The following NCMAP variants were observed in gnomAD, a reference collection of about 807,000 sequenced individuals.
NCMAP encodes non-compact myelin associated protein.
In NCMAP, 8 loss-of-function variants were observed where a neutral mutation model predicts 7.8. The ratio of observed to expected loss-of-function variants is 1.02; its 90% CI spans 0.60 to 1.84. The LOEUF (loss-of-function observed/expected upper bound fraction) is 1.84, where lower values mean the gene tolerates loss of function less well. NCMAP is among the 40% of genes most tolerant of loss of function. The pLI, the probability that NCMAP is intolerant of heterozygous loss-of-function variation, is 0.00. For missense variants in NCMAP, 112 were observed against 131.4 expected, an observed-to-expected ratio of 0.85 and a Z score of 0.72; for synonymous variants, 41 against 52.9, an observed-to-expected ratio of 0.78 and a Z score of 0.98.
At chr1:24,583,784 CAG>C (rs1038799409) in intron 1 of NCMAP, among the ~76,000 whole-genome samples, 9 of 151,182 alleles carry the variant, frequency 6.0e-5, no homozygotes, top group Non-Finnish European at 1.3e-4. Context: ...CACTGACCAT[CAG>C]AGTGTCCCCA....
At chr1:24,594,353 A>T (rs1570535183) in intron 1 of NCMAP, among the ~76,000 whole-genome samples, 1 of 152,086 alleles carries the variant, frequency 6.6e-6, no homozygotes, top group East Asian at 1.9e-4. Flanking sequence ...GCCTCAGGGT[A>T]AAAAAATACA....
At chr1:24,565,994 C>G (rs1051573280) in intron 1 of NCMAP, among the ~76,000 whole-genome samples, 1 of 152,102 alleles carries the variant, frequency 6.6e-6, no homozygotes, top group African/African-American at 2.4e-5. Context: ...GGCTCTTCCC[C>G]TTTCGCTTGG....
intron 2 of NCMAP, among the ~76,000 whole-genome samples, chr1:24,596,044 G>A (rs565223153): frequency 2.2e-4 from 33 of 152,242 alleles, no homozygotes; most frequent in Middle Eastern, 3.4e-3. Flanking sequence ...CACTTTGGGA[G>A]GCTGAGGCAT....
chr1:24,577,404 T>TTTTTTTTTTTTTTTTTTTTTTTTTG (rs1651608306), intron 1 of NCMAP, among the ~76,000 whole-genome samples: 2 of 93,064 alleles, frequency 2.1e-5, no homozygotes, highest in African/African-American at 7.9e-5. Context: ...TGGCCTTGTT[T>TTTTTTTTTTTTTTTTTTTTTTTTTG]TTTTTTTTTT....
chr1:24,597,639 G>GAAAGAAAGAAAA (rs1652291841), intron 2 of NCMAP, among the ~76,000 whole-genome samples: 1 of 117,646 alleles, frequency 8.5e-6, no homozygotes, highest in Non-Finnish European at 1.7e-5. Context: ...AAGAAAGAAA[G>GAAAGAAAGAAAA]AAAGAAAGAA....
intron 1 of NCMAP, among the ~76,000 whole-genome samples, chr1:24,585,843 T>G (rs1651866557): frequency 6.6e-6 from 1 of 152,214 alleles, no homozygotes; most frequent in Non-Finnish European, 1.5e-5. Context: ...TCAGAGGTCC[T>G]GGTGAATCCC....
chr1:24,603,434 A>G (rs59623432), intron 3 of NCMAP, among the ~76,000 whole-genome samples: 8,226 of 152,206 alleles, frequency 0.054, 759 homozygotes, highest in African/African-American at 0.19. Context: ...TCAAACCCCA[A>G]TGTCTACTCT....
chr1:24,569,922 C>T (rs182228789), intron 1 of NCMAP, among the ~76,000 whole-genome samples: 20 of 150,314 alleles, frequency 1.3e-4, no homozygotes, highest in Admixed American at 5.3e-4. Context: ...AGTTACTTAA[C>T]CTCCTTGGGC....
intron 1 of NCMAP, among the ~76,000 whole-genome samples, chr1:24,590,987 T>C (rs1002033962): frequency 6.6e-6 from 1 of 152,154 alleles, no homozygotes; most frequent in Non-Finnish European, 1.5e-5. Flanking sequence ...GATGAGCAAA[T>C]GAAGCTGGGA....
chr1:24,588,230 C>T (rs934250205), intron 1 of NCMAP, among the ~76,000 whole-genome samples: 2 of 152,132 alleles, frequency 1.3e-5, no homozygotes, highest in Non-Finnish European at 1.5e-5. Flanking sequence ...TACAGGTTCA[C>T]ATCACCACAC....
intron 3 of NCMAP, among the ~76,000 whole-genome samples, chr1:24,602,030 A>G (rs9725397): frequency 0.061 from 7,941 of 131,218 alleles, 726 homozygotes; most frequent in African/African-American, 0.21. Flanking sequence ...GACGGAGCGA[A>G]ACTCCGTCTC....
At chr1:24,573,793 T>C (rs912623195) in intron 1 of NCMAP, among the ~76,000 whole-genome samples, 1 of 149,032 alleles carries the variant, frequency 6.7e-6, no homozygotes, top group Admixed American at 6.6e-5. Flanking sequence ...TAATTAAAAT[T>C]AGAAAAGAAA....
At chr1:24,601,675 C>T (rs181587883) in intron 3 of NCMAP, among the ~76,000 whole-genome samples, 33 of 152,148 alleles carry the variant, frequency 2.2e-4, no homozygotes, top group Admixed American at 7.9e-4. Context: ...AAGACTGAGG[C>T]GGGAGGATGG....
chr1:24,595,121 T>A (rs780442267), intron 1 of NCMAP, among the ~76,000 whole-genome samples: 3 of 152,148 alleles, frequency 2.0e-5, no homozygotes, highest in Admixed American at 6.5e-5. Flanking sequence ...ACCAGTAAAA[T>A]GGCAACAGTA....
At chr1:24,571,129 A>G (rs1209835414) in intron 1 of NCMAP, among the ~76,000 whole-genome samples, 1 of 150,816 alleles carries the variant, frequency 6.6e-6, no homozygotes, top group East Asian at 1.9e-4. Context: ...GGTGTTGTCC[A>G]ATATAATGTG....
chr1:24,558,364 A>G (rs1381802233), intron 1 of NCMAP, among the ~76,000 whole-genome samples: 1 of 152,200 alleles, frequency 6.6e-6, no homozygotes, highest in Non-Finnish European at 1.5e-5. Context: ...TCTATGTGGA[A>G]TGCATCCACC....
chr1:24,589,310 C>G (rs546214839), intron 1 of NCMAP, among the ~76,000 whole-genome samples: 2 of 152,228 alleles, frequency 1.3e-5, no homozygotes, highest in African/African-American at 4.8e-5. Context: ...TGAAGTGCTC[C>G]TGCTGGCCCT....
chr1:24,604,011 C>T (rs886202672), intron 3 of NCMAP, among the ~76,000 whole-genome samples: 6 of 152,146 alleles, frequency 3.9e-5, no homozygotes, highest in Admixed American at 1.3e-4. Context: ...CTGTTATCCA[C>T]GATAGAAGGG....
chr1:24,566,318 G>A (rs2148926203), intron 1 of NCMAP, among the ~76,000 whole-genome samples: 1 of 152,246 alleles, frequency 6.6e-6, no homozygotes, highest in Middle Eastern at 3.4e-3. Flanking sequence ...CAGTCACAGG[G>A]CCCACCTAGC....
Sources: gnomAD v4.1 joint callset for allele counts (sites outside exome capture counted in the v4.1 genomes callset) on GRCh38, gnomAD v4.1.1 for gene constraint, MANE v1.5 for transcripts, NCBI Gene and HGNC (gene_info 2026-07-23, HGNC 2026-07-21) for gene names.